Variants in SLC22A15 observed in about 807,000 individuals in gnomAD.
SLC22A15 encodes flipt 1.
A neutral mutation model predicts 62.7 loss-of-function variants in SLC22A15; 45 were observed. The ratio of observed to expected loss-of-function variants is 0.72; its 90% CI spans 0.56 to 0.92. SLC22A15 has a LOEUF of 0.92. SLC22A15 is among the 40% of genes least tolerant of loss of function. The probability of loss-of-function intolerance (pLI) is 0.00; values close to 1 mark genes in which losing one functional copy is unlikely to be tolerated. For missense variants in SLC22A15, 622 were observed against 665.6 expected, an observed-to-expected ratio of 0.93 and a Z score of 0.72; for synonymous variants, 264 against 267.0, an observed-to-expected ratio of 0.99 and a Z score of 0.11.
intron 8 of SLC22A15, among the ~76,000 whole-genome samples, chr1:116,054,002 A>T (rs1285854290): frequency 6.6e-6 from 1 of 152,170 alleles, no homozygotes; most frequent in Non-Finnish European, 1.5e-5. Context: ...TCAACTAATG[A>T]GCAAAATAAC....
intron 1 of SLC22A15, among the ~76,000 whole-genome samples, chr1:115,989,024 A>G (rs1415848465): frequency 6.6e-6 from 1 of 152,126 alleles, no homozygotes; most frequent in Non-Finnish European, 1.5e-5. Context: ...CGTTTTATTG[A>G]GGCTGGCACT....
intron 8 of SLC22A15, among the ~76,000 whole-genome samples, chr1:116,051,781 C>T (rs923488579): frequency 1.5e-4 from 23 of 152,140 alleles, no homozygotes; most frequent in East Asian, 3.9e-4. Flanking sequence ...GTCCACACCG[C>T]GGTGATACAT....
rs199715404 is a variant in SLC22A15 at position 116,037,408 on chromosome 1, A to C, written c.1171+20A>C. 8 of 1,574,670 alleles carry C rather than the reference A, an allele frequency of 5.1e-6. No individual in the cohort carries two copies. The highest frequency in any genetic ancestry group is 6.1e-6 in the Non-Finnish European group (7 of 1,144,364). ...AGAAAGGTATGCCTTTCAAATTTCTACAAGGGTTTTGAACAGTACTTTCAT... is the reference window on the plus strand; with the variant it reads ...AGAAAGGTATGCCTTTCAAATTTCTCCAAGGGTTTTGAACAGTACTTTCAT... On this transcript the variant is annotated intron_variant, in intron 8 of 11. Transcript: ENST00000369503.
chr1:115,985,632 G>A (rs567021223), intron 1 of SLC22A15, among the ~76,000 whole-genome samples: 1 of 152,068 alleles, frequency 6.6e-6, no homozygotes, highest in African/African-American at 2.4e-5. Context: ...TGGTCAGCTG[G>A]TGGTGTTACC....
chr1:116,015,733 A>G (rs1251595479), intron 2 of SLC22A15, among the ~76,000 whole-genome samples: 1 of 152,326 alleles, frequency 6.6e-6, no homozygotes, highest in African/African-American at 2.4e-5. Context: ...GAAAGCATGA[A>G]GAGACTAAAA....
chr1:116,019,184 A>C (rs1244917646), intron 2 of SLC22A15, among the ~76,000 whole-genome samples: 6 of 152,238 alleles, frequency 3.9e-5, no homozygotes, highest in African/African-American at 1.4e-4. Context: ...TTGGACAAAA[A>C]GTTCATGTAT....
Position 115,992,840 on chromosome 1 carries a change from G to T in SLC22A15, c.300+597G>T, listed in dbSNP as rs377127982. ...GGGATTTCACCATGTTGACCAGGCT[G>T]CTCTTGGACTCCTGACTCAGGTGAT... is the stretch of plus-strand genomic sequence containing the variant. On this transcript the variant is annotated intron_variant, in intron 2 of 11. Coordinates refer to ENST00000369503, the MANE Select transcript of SLC22A15 (RefSeq NM_018420.3). Among the ~76,000 whole-genome samples, 102 of 152,060 alleles carry T rather than the reference G, an allele frequency of 6.7e-4. 1 individual carries two copies. The highest frequency in any genetic ancestry group is 2.4e-3 in the African/African-American group (98 of 41,468).
chr1:115,979,723 A>G (rs1654521130), intron 1 of SLC22A15, among the ~76,000 whole-genome samples: 1 of 152,182 alleles, frequency 6.6e-6, no homozygotes, highest in South Asian at 2.1e-4. Context: ...GGGTTGGAAT[A>G]CAATTCATTG....
At chr1:116,028,039 A>G (rs912305015) in intron 5 of SLC22A15, among the ~76,000 whole-genome samples, 1 of 152,216 alleles carries the variant, frequency 6.6e-6, no homozygotes, top group African/African-American at 2.4e-5. Flanking sequence ...TCCTGCCTTC[A>G]TCTATGCCAT....
At chr1:116,026,557 T>C (rs1657102917) in intron 4 of SLC22A15, among the ~76,000 whole-genome samples, 1 of 152,112 alleles carries the variant, frequency 6.6e-6, no homozygotes. Context: ...ATGGCAAAAA[T>C]ATTTCCAAGC....
chr1:116,000,697 C>T (rs1655684646), intron 2 of SLC22A15, among the ~76,000 whole-genome samples: 1 of 138,404 alleles, frequency 7.2e-6, no homozygotes, highest in Non-Finnish European at 1.5e-5. Flanking sequence ...GTGGCTTGAT[C>T]CCGGCTCACT....
chr1:115,987,673 A>G (rs1324974620), intron 1 of SLC22A15, among the ~76,000 whole-genome samples: 2 of 152,186 alleles, frequency 1.3e-5, no homozygotes, highest in African/African-American at 2.4e-5. Flanking sequence ...GATTGAGTCA[A>G]TTAGGTAACT....
chr1:116,005,836 G>A (rs1369287918), intron 2 of SLC22A15, among the ~76,000 whole-genome samples: 1 of 152,100 alleles, frequency 6.6e-6, no homozygotes, highest in Non-Finnish European at 1.5e-5. Context: ...CAAGGGTGGG[G>A]AGTACCCCTA....
intron 2 of SLC22A15, among the ~76,000 whole-genome samples, chr1:116,007,501 C>T (rs1656041340): frequency 6.6e-6 from 1 of 152,230 alleles, no homozygotes; most frequent in African/African-American, 2.4e-5. Flanking sequence ...CCACAACCTC[C>T]ATGGGATCCT....
intron 2 of SLC22A15, among the ~76,000 whole-genome samples, chr1:116,011,827 G>A (rs1656275205): frequency 6.6e-6 from 1 of 152,174 alleles, no homozygotes; most frequent in Non-Finnish European, 1.5e-5. Context: ...AGTGCATACT[G>A]AGAGTGGTCT....
At chr1:115,998,558 T>C (rs535305105) in intron 2 of SLC22A15, among the ~76,000 whole-genome samples, 2 of 152,298 alleles carry the variant, frequency 1.3e-5, no homozygotes, top group South Asian at 4.1e-4. Context: ...TCTTCTAGGT[T>C]TTCCAACTTA....
chr1:115,990,172 C>CT (rs2101084611), intron 1 of SLC22A15, among the ~76,000 whole-genome samples: 1 of 152,288 alleles, frequency 6.6e-6, no homozygotes, highest in Non-Finnish European at 1.5e-5. Context: ...GAGGTGATAT[C>CT]TGTGTTGCGT....
At chr1:116,033,703 C>T (rs1012109648) in intron 6 of SLC22A15, among the ~76,000 whole-genome samples, 3 of 152,008 alleles carry the variant, frequency 2.0e-5, no homozygotes, top group Admixed American at 6.6e-5. Context: ...ATTTTAAAAA[C>T]GTTTTAGAAA....
chr1:115,986,189 A>G (rs142287676), intron 1 of SLC22A15, among the ~76,000 whole-genome samples: 1 of 151,942 alleles, frequency 6.6e-6, no homozygotes, highest in African/African-American at 2.4e-5. Context: ...CAGAGTTACT[A>G]GTTTTTTTTT....
Sources: allele counts gnomAD v4.1 joint callset (sites outside exome capture counted in the v4.1 genomes callset), GRCh38; gene constraint gnomAD v4.1.1; transcripts MANE v1.5; gene names NCBI Gene and HGNC (gene_info 2026-07-23, HGNC 2026-07-21).